The following CSMD3 variants were observed in gnomAD, a reference collection of about 807,000 sequenced individuals.
CSMD3 encodes CUB and sushi domain-containing protein 3.
In CSMD3, 177 loss-of-function variants were observed where a neutral mutation model predicts 435.2. That is an observed-to-expected ratio of 0.41 (90% confidence interval 0.36 to 0.46). CSMD3 has a LOEUF of 0.46. Among genes scored for constraint, CSMD3 ranks in the 20% least tolerant of loss-of-function variants. The probability of loss-of-function intolerance (pLI) is 0.34; values close to 1 mark genes in which losing one functional copy is unlikely to be tolerated. For missense variants in CSMD3, 4,265 were observed against 4,504.6 expected (o/e 0.95, Z 1.52); for synonymous variants, 1,656 against 1,520.5 (o/e 1.09, Z -2.07).
intron 36 of CSMD3, among the ~76,000 whole-genome samples, chr8:112,386,717 G>A (rs1046959484): frequency 6.6e-6 from 1 of 151,894 alleles, no homozygotes; most frequent in South Asian, 2.1e-4. Flanking sequence ...CAGGATGGTC[G>A]CTATCTCCTG....
At chr8:113,019,315 A>C (rs966566845) in intron 5 of CSMD3, 136 bp from the exon 6 acceptor site, 3 of 685,070 alleles carry the variant, frequency 4.4e-6, no homozygotes, top group Non-Finnish European at 7.9e-6. Flanking sequence ...CAAATGAAAT[A>C]GTTCTTTTAT....
Position 112,234,469 on chromosome 8 carries a change from T to A in CSMD3, c.10636A>T (p.Lys3546Ter). 1 of 1,587,296 alleles carries A rather than the reference T, an allele frequency of 6.3e-7. No homozygotes were observed. The highest frequency in any genetic ancestry group is 8.7e-7 in the Non-Finnish European group (1 of 1,155,920). The change falls in exon 68 of 71, where the codon AAA becomes TAA. Residue 3546 changes from lysine to a stop codon, truncating the protein, a stop_gained. Transcript: ENST00000297405. LOFTEE classifies it high-confidence loss of function. ...NMELLLSGVYKSQEARLMLRI... is the reference protein window; with the variant it reads ...NMELLLSGVY ...AACATTAGGCGAGCTTCCTGGCTTT[T>A]ATATACCCCTGTAAAATGCAAGGAC...
chr8:112,919,295 A>G (rs548660775), intron 10 of CSMD3, among the ~76,000 whole-genome samples: 34 of 152,004 alleles, frequency 2.2e-4, no homozygotes, highest in African/African-American at 7.7e-4. Flanking sequence ...AATATTCAAC[A>G]AATAGTTCTT....
intron 19 of CSMD3, among the ~76,000 whole-genome samples, chr8:112,646,842 T>A (rs1211717856): frequency 5.3e-5 from 8 of 152,202 alleles, no homozygotes; most frequent in African/African-American, 1.9e-4. Flanking sequence ...AAGCTTTTTT[T>A]ATAAGATGAA....
In CSMD3 at chr8:113,042,667, T is replaced by C. The variant is rs1384953811; in HGVS notation, c.918-23488A>G. 2.0e-5 allele frequency among the ~76,000 whole-genome samples: 3 copies of C among 152,186 alleles called. No homozygotes were observed. The East Asian group carries it at 5.8e-4, about 29-fold the overall frequency. On this transcript the variant is annotated intron_variant, in intron 5 of 70. Coordinates refer to ENST00000297405, the MANE Select transcript of CSMD3 (RefSeq NM_198123.2). ...TTAAAACTCTTCCAATTTCAAATTT[T>C]ATTTATTTAAATCAGAACTTCTAGT...
In CSMD3 at chr8:112,281,215, G is replaced by A. The variant is rs917778267; in HGVS notation, c.9467C>T (p.Thr3156Ile). Reference protein sequence around the residue: ...ILSGPSVRQCTANGTWSGTLP... With the variant: ...ILSGPSVRQCIANGTWSGTLP... ...AGTTCCAGACCATGTTCCATTGGCT[G>A]TGCACTGTCTAACTGAAGGTCCAGA... Residue 3156 changes from threonine to isoleucine, a missense_variant, in exon 59 of 71, where the codon ACA becomes ATA. Thr to Ile is a moderately conservative substitution (Grantham distance 89, BLOSUM62 -1). Transcript: ENST00000297405. 1 of 1,613,312 alleles carries A rather than the reference G, an allele frequency of 6.2e-7. No homozygotes were observed. The highest frequency in any genetic ancestry group is 1.3e-5 in the African/African-American group (1 of 75,000).
chr8:113,237,843 G>A (rs1215825577), intron 3 of CSMD3, among the ~76,000 whole-genome samples: 6 of 152,240 alleles, frequency 3.9e-5, no homozygotes, highest in African/African-American at 1.2e-4. Context: ...TTGGGAGGCC[G>A]AGGTGGGCAG....
At chr8:112,426,071 T>C (rs926827996) in intron 32 of CSMD3, among the ~76,000 whole-genome samples, 1 of 152,164 alleles carries the variant, frequency 6.6e-6, no homozygotes, top group African/African-American at 2.4e-5. Flanking sequence ...ACTGTCTGAA[T>C]GCACAAATAC....
chr8:113,087,467 G>T (rs1447627971), intron 5 of CSMD3, among the ~76,000 whole-genome samples: 1 of 152,176 alleles, frequency 6.6e-6, no homozygotes, highest in African/African-American at 2.4e-5. Flanking sequence ...ACACTACAAG[G>T]CTACAGTAAC....
chr8:112,889,032 A>T (rs1419028153), intron 10 of CSMD3, among the ~76,000 whole-genome samples: 2 of 151,726 alleles, frequency 1.3e-5, no homozygotes, highest in Non-Finnish European at 3.0e-5. Flanking sequence ...TAAATCATTT[A>T]GAAAATGGTT....
Position 112,939,597 on chromosome 8 carries a change from C to T in CSMD3, c.1508+8193G>A, listed in dbSNP as rs1177226879. On this transcript the variant is annotated intron_variant, in intron 9 of 70. Coordinates refer to ENST00000297405, the MANE Select transcript of CSMD3 (RefSeq NM_198123.2). The stretch of plus-strand genomic sequence containing the variant: ...TCCCACGCTTTTACAGATGCAATGA[C>T]ATACTTGTTTTGTAAAAAATACTAA... Among the ~76,000 whole-genome samples the T allele has an allele frequency of 2.6e-5, 4 of 152,050 alleles. No homozygotes were observed. In the East Asian group the frequency reaches 7.7e-4, roughly 29 times the overall value.
intron 32 of CSMD3, among the ~76,000 whole-genome samples, chr8:112,445,383 GC>G (rs1684299411): frequency 6.6e-6 from 1 of 152,132 alleles, no homozygotes; most frequent in Non-Finnish European, 1.5e-5. Flanking sequence ...GGTTCTGCAG[GC>G]TGTACAGGAT....
chr8:112,931,583 G>C (rs2083111883), intron 9 of CSMD3, among the ~76,000 whole-genome samples: 1 of 150,208 alleles, frequency 6.7e-6, no homozygotes, highest in Non-Finnish European at 1.5e-5. Flanking sequence ...GAAACAAAAA[G>C]AAAAATAGAC....
At position 113,297,808 on chromosome 8, in the gene CSMD3, G is replaced by A. The variant is rs1202199435; in HGVS notation, c.401+16763C>T. The stretch of plus-strand genomic sequence containing the variant: ...ATTTTAATTTCAAACAACTATAGAC[G>A]TTTTACCATGATGGAAATTCAAAGT... On this transcript the variant is annotated intron_variant, in intron 2 of 70. Coordinates refer to ENST00000297405, the MANE Select transcript of CSMD3 (RefSeq NM_198123.2). Among the ~76,000 whole-genome samples the A allele has an allele frequency of 4.6e-5, 7 of 151,908 alleles. No individual in the cohort carries two copies. The East Asian group carries it at 9.6e-4, about 21-fold the overall frequency.
At chr8:112,568,283 G>T (rs1829220108) in intron 24 of CSMD3, among the ~76,000 whole-genome samples, 1 of 152,108 alleles carries the variant, frequency 6.6e-6, no homozygotes, top group Non-Finnish European at 1.5e-5. Context: ...AGACTGAACA[G>T]ATTTAATTTG....
In CSMD3 at chr8:113,014,276, ATTAT is replaced by A. The variant is rs368352236; in HGVS notation, c.1030+4787_1030+4790del. ...ATGTTAACAGTTCTCTTTGCAGACT[ATTAT>A]TTGTTATATAACAATTATTTGTTCT... On this transcript the variant is annotated intron_variant, in intron 6 of 70. Coordinates refer to ENST00000297405, the MANE Select transcript of CSMD3 (RefSeq NM_198123.2). 3.5e-3 allele frequency among the ~76,000 whole-genome samples: 536 copies of A among 152,244 alleles called. 3 individuals carry two copies. Among genetic ancestry groups the A allele is most frequent in the African/African-American group, 0.012 (500 of 41,546 alleles).
At chr8:113,274,489 A>C (rs1291428906) in intron 3 of CSMD3, among the ~76,000 whole-genome samples, 1 of 152,072 alleles carries the variant, frequency 6.6e-6, no homozygotes, top group Non-Finnish European at 1.5e-5. Flanking sequence ...ACTTTCAAGC[A>C]AATTGACATC....
At position 112,852,791 on chromosome 8, in the gene CSMD3, G is replaced by A. The variant is rs1348461479; in HGVS notation, c.1755+6354C>T. Among the ~76,000 whole-genome samples the A allele has an allele frequency of 4.6e-5, 7 of 151,964 alleles. No homozygotes were observed. The East Asian group carries it at 1.4e-3, about 29-fold the overall frequency. ...CAAAAAATTAGCTGGGCATGGTGGT[G>A]GGCGCCTGTAGTCCCAGCTACTTGG... On this transcript the variant is annotated intron_variant, in intron 11 of 70. Coordinates refer to ENST00000297405, the MANE Select transcript of CSMD3 (RefSeq NM_198123.2).
chr8:112,663,778 C>T (rs565219983), intron 17 of CSMD3, among the ~76,000 whole-genome samples: 2 of 152,106 alleles, frequency 1.3e-5, no homozygotes, highest in South Asian at 4.1e-4. Flanking sequence ...GTGCAATAAT[C>T]CTCTTTCATT....
Sources: allele counts gnomAD v4.1 joint callset (sites outside exome capture counted in the v4.1 genomes callset), GRCh38; gene constraint gnomAD v4.1.1; transcripts MANE v1.5; gene names NCBI Gene and HGNC (gene_info 2026-07-23, HGNC 2026-07-21).